LUC7L2: variants seen among roughly 807,000 people sequenced by gnomAD.
LUC7L2 encodes the protein LUC7 like 2, pre-mRNA splicing factor.
In LUC7L2, 25 loss-of-function variants were observed where a neutral mutation model predicts 52.8. The ratio of observed to expected loss-of-function variants is 0.47; its 90% CI spans 0.34 to 0.66. The LOEUF (loss-of-function observed/expected upper bound fraction) is 0.66, where lower values mean the gene tolerates loss of function less well. LUC7L2 is among the 30% of genes least tolerant of loss of function. The pLI, the probability that LUC7L2 is intolerant of heterozygous loss-of-function variation, is 0.01. For synonymous variants in LUC7L2, 144 were observed against 160.9 expected, an observed-to-expected ratio of 0.89 and a Z score of 0.80; for missense variants, 328 against 497.8, an observed-to-expected ratio of 0.66 and a Z score of 3.25.
chr7:139,367,648 G>A lies in LUC7L2; in HGVS notation c.61+7326G>A, dbSNP rs1302307346. Among the ~76,000 whole-genome samples the A allele has an allele frequency of 2.0e-5, 3 of 152,200 alleles. No homozygotes were observed. The East Asian group carries it at 5.8e-4, about 29-fold the overall frequency. On this transcript the variant is annotated intron_variant, in intron 1 of 9. Coordinates refer to ENST00000354926, the MANE Select transcript of LUC7L2 (RefSeq NM_016019.5). The stretch of plus-strand genomic sequence containing the variant: ...AATTACTGTTCCAGGGAGTATTCAT[G>A]TGAAAGGAAAGCTGTTTGAACTATA...
chr7:139,403,275 T>C (rs2131285827), intron 4 of LUC7L2, among the ~76,000 whole-genome samples: 1 of 152,340 alleles, frequency 6.6e-6, no homozygotes, highest in African/African-American at 2.4e-5. Context: ...ATTTTTCTTA[T>C]AGAGTCGATT....
chr7:139,341,584 C>G (rs1218663119), intron 1 of LUC7L2: 17 of 1,581,398 alleles, frequency 1.1e-5, no homozygotes, highest in Non-Finnish European at 1.5e-5. Flanking sequence ...CGGGTCTGGG[C>G]TAGGGTGGGG....
chr7:139,397,606 G>GA (rs1369945276), intron 2 of LUC7L2, among the ~76,000 whole-genome samples: 1 of 152,134 alleles, frequency 6.6e-6, no homozygotes, highest in African/African-American at 2.4e-5. Flanking sequence ...CCTCCAGTTG[G>GA]AAAATCTCCG....
chr7:139,422,009 A>C (rs186245045), intron 9 of LUC7L2, among the ~76,000 whole-genome samples, 154 bp from the exon 10 acceptor site: 1 of 152,328 alleles, frequency 6.6e-6, no homozygotes, highest in African/African-American at 2.4e-5. Flanking sequence ...CAACTATGGT[A>C]GTGCTCTGTA....
At chr7:139,407,079 A>T (rs1161550508) in intron 5 of LUC7L2, 95 bp from the exon 6 acceptor site, 4 of 1,069,582 alleles carry the variant, frequency 3.7e-6, no homozygotes, top group South Asian at 3.7e-5. Context: ...TGTATTTTTT[A>T]GAAAACACTT....
chr7:139,400,738 T>A (rs1359665641), intron 3 of LUC7L2, among the ~76,000 whole-genome samples: 1 of 152,210 alleles, frequency 6.6e-6, no homozygotes, highest in Non-Finnish European at 1.5e-5. Flanking sequence ...ATTTGCTGAT[T>A]AGTCCATCTT....
intron 2 of LUC7L2, among the ~76,000 whole-genome samples, chr7:139,396,393 T>A (rs1794665539): frequency 6.6e-6 from 1 of 151,960 alleles, no homozygotes; most frequent in African/African-American, 2.4e-5. Flanking sequence ...CAGTGAGCCA[T>A]GATTATGCCA....
At chr7:139,422,037 C>T in intron 9 of LUC7L2, 126 bp from the exon 10 acceptor site, 1 of 1,382,332 alleles carries the variant, frequency 7.2e-7, no homozygotes, top group East Asian at 2.6e-5. Context: ...AGAAAACTGA[C>T]TCCTCTGTCA....
intron 2 of LUC7L2, among the ~76,000 whole-genome samples, chr7:139,388,051 C>A (rs1310895918): frequency 2.6e-5 from 4 of 152,170 alleles, no homozygotes; most frequent in Non-Finnish European, 5.9e-5. Flanking sequence ...AAATTTAAAT[C>A]CTATCTGGCT....
intron 8 of LUC7L2, 47 bp downstream of exon 8, chr7:139,412,627 T>G: frequency 6.4e-7 from 1 of 1,552,952 alleles, no homozygotes. Context: ...GTTGTCTTTT[T>G]CAAAGGTAGT....
chr7:139,381,988 G>A (rs1801054601), intron 2 of LUC7L2, among the ~76,000 whole-genome samples: 1 of 149,038 alleles, frequency 6.7e-6, no homozygotes, highest in Non-Finnish European at 1.5e-5. Flanking sequence ...AGGTTCAAGC[G>A]ATTCCCTTGC....
intron 4 of LUC7L2, 59 bp downstream of exon 4, chr7:139,402,306 T>C: frequency 1.4e-6 from 2 of 1,437,524 alleles, no homozygotes; most frequent in Non-Finnish European, 1.8e-6. Flanking sequence ...TTTGTTTAAG[T>C]TTTTATTTTG....
chr7:139,399,558 C>G (rs1447653326), intron 3 of LUC7L2, among the ~76,000 whole-genome samples: 1 of 146,472 alleles, frequency 6.8e-6, no homozygotes, highest in Admixed American at 7.1e-5. Context: ...CAACCTCTGC[C>G]TCCCGGGTTC....
intron 2 of LUC7L2, chr7:139,392,568 T>C: frequency 4.6e-6 from 1 of 217,538 alleles, no homozygotes; most frequent in East Asian, 1.6e-4. Context: ...AATAAGCATT[T>C]TTTAAAAAAT....
intron 1 of LUC7L2, chr7:139,374,286 T>C (rs1800600936): frequency 2.6e-6 from 2 of 777,048 alleles, no homozygotes; most frequent in African/African-American, 1.8e-5. Context: ...CACTTTTGTT[T>C]TTATATAAAA....
intron 9 of LUC7L2, 73 bp downstream of exon 9, chr7:139,417,802 T>G (rs1451255501): frequency 4.6e-6 from 7 of 1,520,094 alleles, no homozygotes; most frequent in Non-Finnish European, 6.2e-6. Flanking sequence ...CTTATGTTAC[T>G]TATGTTTAGA....
At chr7:139,367,124 G>A (rs2131192200) in intron 1 of LUC7L2, among the ~76,000 whole-genome samples, 1 of 152,078 alleles carries the variant, frequency 6.6e-6, no homozygotes, top group African/African-American at 2.4e-5. Flanking sequence ...GGCATGCACT[G>A]TCATGCCCTG....
chr7:139,382,758 G>C (rs1194452320), intron 2 of LUC7L2, among the ~76,000 whole-genome samples: 9 of 152,194 alleles, frequency 5.9e-5, no homozygotes, highest in Admixed American at 5.9e-4. Context: ...TTGGTTGTCA[G>C]ATATTCTGAC....
intron 8 of LUC7L2, chr7:139,416,469 G>A (rs1401349747): frequency 6.6e-6 from 1 of 151,886 alleles, no homozygotes; most frequent in African/African-American, 2.4e-5. Context: ...TGCAATCTGA[G>A]TCAAGTTCTC....
Sources: gnomAD v4.1 joint callset for allele counts (sites outside exome capture counted in the v4.1 genomes callset) on GRCh38, gnomAD v4.1.1 for gene constraint, MANE v1.5 for transcripts, NCBI Gene and HGNC (gene_info 2026-07-23, HGNC 2026-07-21) for gene names.